The following PREX2 variants were observed in gnomAD, a reference collection of about 807,000 sequenced individuals.
PREX2 encodes phosphatidylinositol-3,4,5-trisphosphate dependent Rac exchange factor 2, also known as phosphatidylinositol 3,4,5-trisphosphate-dependent Rac exchanger 2 protein.
PREX2 carries 107 observed loss-of-function variants against 203.2 expected under a neutral mutation model. That is an observed-to-expected ratio of 0.53 (90% CI 0.45 to 0.62). The LOEUF (loss-of-function observed/expected upper bound fraction) is 0.62, where lower values mean the gene tolerates loss of function less well. Ranked by LOEUF, PREX2 falls within the 20% of genes least tolerant of loss-of-function variation. The pLI is 0.00. For synonymous variants in PREX2, 672 were observed against 663.6 expected (o/e 1.01, Z -0.19); for missense variants, 1,777 against 1,955.9 (o/e 0.91, Z 1.72).
rs58916146 is a variant in PREX2 at position 67,999,478 on chromosome 8, C to CAAAA, written c.142-18354_142-18351dup. Among the ~76,000 whole-genome samples, 9 of 92,096 alleles carry CAAAA rather than the reference C, an allele frequency of 9.8e-5. 2 individuals carry two copies. The highest frequency in any genetic ancestry group is 1.5e-4 in the Non-Finnish European group (7 of 46,524). 60.4% of individuals were successfully genotyped at this position (92,096 alleles called of 152,430 possible). On this transcript the variant is annotated intron_variant, in intron 1 of 39. Coordinates refer to ENST00000288368, the MANE Select transcript of PREX2 (RefSeq NM_024870.4). Reference sequence around the variant, plus strand: ...AATCAGTAATAAATAGCCAACAAACCAAAAAAAAAAAAAAAAAGCCCAGAA... The same window carrying CAAAA: ...AATCAGTAATAAATAGCCAACAAACCAAAAAAAAAAAAAAAAAAAAAGCCCAGAA...
chr8:68,053,264 G>A lies in PREX2; in HGVS notation c.1093+18G>A, dbSNP rs764879069. 1.2e-6 allele frequency: 2 copies of A among 1,612,502 alleles called. No individual in the cohort carries two copies. Among genetic ancestry groups the A allele is most frequent in the Admixed American group, 3.3e-5 (2 of 59,960 alleles). ...GCGGAAAGGTGGGTGTATGAATTGG[G>A]CGCTGTTACACTTTGTGAAGACTCT... On this transcript the variant is annotated intron_variant, in intron 9 of 39. Transcript: ENST00000288368.
At position 68,176,832 on chromosome 8, in the gene PREX2, A is replaced by G. The variant is rs1456748869; in HGVS notation, c.4347-14890A>G. The G allele has an allele frequency of 2.6e-5, 4 of 152,206 alleles. No individual in the cohort carries two copies. In the East Asian group the frequency reaches 7.7e-4, roughly 29 times the overall value. The allele number at this position is 152,206 out of a possible 1,614,324, so 9.4% of individuals were successfully genotyped here. A position where few individuals can be genotyped will look rare whatever the true frequency, so the allele number is the denominator to read the frequency against. On this transcript the variant is annotated intron_variant, in intron 35 of 39. Coordinates refer to ENST00000288368, the MANE Select transcript of PREX2 (RefSeq NM_024870.4). Reference sequence around the variant, plus strand: ...CCCCACTGAGTAGAAAAGACGTAGAAGTAACTTGCATGAAATAGCTATGCA... The same window carrying G: ...CCCCACTGAGTAGAAAAGACGTAGAGGTAACTTGCATGAAATAGCTATGCA...
Position 68,219,742 on chromosome 8 carries a change from G to A in PREX2, c.4707+2024G>A, listed in dbSNP as rs569623841. ...GATTTCTTCAACAGTCCCCTGTCGC[G>A]GATTCTCCTTCCAGTATTCAGCAGT... is the stretch of plus-strand genomic sequence containing the variant. On this transcript the variant is annotated intron_variant, in intron 38 of 39. Transcript: ENST00000288368. Among the ~76,000 whole-genome samples the A allele has an allele frequency of 4.6e-5, 7 of 152,132 alleles. No individual in the cohort carries two copies. In the South Asian group the frequency reaches 6.2e-4, roughly 14 times the overall value.
chr8:68,038,258 G>A lies in PREX2; in HGVS notation c.805G>A (p.Asp269Asn), dbSNP rs760821149. 49 of 1,613,432 alleles carry A rather than the reference G, an allele frequency of 3.0e-5. No individual in the cohort carries two copies. The highest frequency in any genetic ancestry group is 3.7e-5 in the Non-Finnish European group (44 of 1,179,816). ...NIQERVFFLF[D>N]NLLVYCKRKH... ...TCAAGAACGGGTGTTTTTTCTTTTC[G>A]ATAATCTTTTGGTGTACTGCAAAAG... Residue 269 changes from aspartate (D) to asparagine (N), a missense_variant, in exon 7 of 40, where the codon GAT (aspartate) becomes AAT (asparagine). Asp to Asn is a conservative substitution (Grantham distance 23, BLOSUM62 1). Transcript: ENST00000288368.
At chr8:68,163,430 G>T (rs1279211043) in intron 35 of PREX2, among the ~76,000 whole-genome samples, 1 of 152,108 alleles carries the variant, frequency 6.6e-6, no homozygotes, top group Non-Finnish European at 1.5e-5. Context: ...TTAGAGGAAG[G>T]TTAAAAATGA....
intron 25 of PREX2, among the ~76,000 whole-genome samples, chr8:68,115,003 CTTTCT>C (rs1171360067): frequency 7.7e-6 from 1 of 130,594 alleles, no homozygotes; most frequent in Admixed American, 7.6e-5. Flanking sequence ...TTTTTCTTTT[CTTTCT>C]TTTCTTTTCT....
intron 32 of PREX2, 84 bp downstream of exon 32, chr8:68,134,360 T>A (rs1420004191): frequency 2.2e-5 from 24 of 1,100,700 alleles, no homozygotes; most frequent in Non-Finnish European, 3.2e-5. Context: ...TAGTTATTTC[T>A]TTCCCGCTGG....
rs746533168 is a variant in PREX2, at chr8:68,027,218, C to G, written c.442-4C>G. 1 of 1,603,852 alleles carries G rather than the reference C, an allele frequency of 6.2e-7. No homozygotes were observed. Among genetic ancestry groups the G allele is most frequent in the East Asian group, 2.2e-5 (1 of 44,744 alleles). On this transcript the variant is annotated splice_region_variant and splice_polypyrimidine_tract_variant and intron_variant, in intron 4 of 39. Transcript: ENST00000288368. ...GTAATTAATTTTGATTATTTTCACC[C>G]CAGAACTGCATGCTGCTTGGAGGAC...
Position 68,069,039 on chromosome 8 carries a change from A to G in PREX2, c.1346A>G (p.Asp449Gly). ...AGTATTTCTATGTTCTTAGTTACTG[A>G]TAAACATCAATTCAAACCAGAACAG... ...LENGIIHHVT[D>G]KHQFKPEQML... is the part of the protein sequence containing the mutation. Residue 449 changes from aspartate to glycine, a missense_variant, in exon 12 of 40, where the codon GAT becomes GGT. Coordinates refer to ENST00000288368, the MANE Select transcript of PREX2 (RefSeq NM_024870.4). 2 of 1,408,458 alleles carry G rather than the reference A, an allele frequency of 1.4e-6. No individual in the cohort carries two copies. Among genetic ancestry groups the G allele is most frequent in the Non-Finnish European group, 1.9e-6 (2 of 1,033,610 alleles). 87.2% of individuals were successfully genotyped at this position (1,408,458 alleles called of 1,614,324 possible).
chr8:68,119,395 T>G, intron 27 of PREX2, 37 bp from the exon 28 acceptor site: 2 of 1,366,192 alleles, frequency 1.5e-6, no homozygotes, highest in Non-Finnish European at 2.1e-6. Flanking sequence ...AGATGAGTGA[T>G]TTTGGTTTTT....
chr8:68,032,578 G>T (rs940322801), intron 6 of PREX2, among the ~76,000 whole-genome samples: 1 of 152,158 alleles, frequency 6.6e-6, no homozygotes, highest in Non-Finnish European at 1.5e-5. Flanking sequence ...ATCGAGGGGG[G>T]AACTTGGTTT....
intron 35 of PREX2, among the ~76,000 whole-genome samples, chr8:68,179,939 A>T (rs1220849880): frequency 1.3e-5 from 2 of 152,070 alleles, no homozygotes; most frequent in East Asian, 3.9e-4. Flanking sequence ...CATATCATTT[A>T]CCTCCTCACT....
intron 22 of PREX2, among the ~76,000 whole-genome samples, chr8:68,098,158 T>C (rs1188176469): frequency 6.6e-6 from 1 of 152,194 alleles, no homozygotes; most frequent in African/African-American, 2.4e-5. Context: ...ACTCCTACTG[T>C]ATCCTCCACA....
Position 68,097,175 on chromosome 8 carries a change from A to G in PREX2, c.2527A>G (p.Lys843Glu), listed in dbSNP as rs748737323. 6.2e-7 allele frequency: 1 copy of G among 1,613,550 alleles called. No homozygotes were observed. Among genetic ancestry groups the G allele is most frequent in the Non-Finnish European group, 8.5e-7 (1 of 1,179,634 alleles). ...CNVVEKMIEP[K>E]GFFSLTAKIL... The stretch of plus-strand genomic sequence containing the variant: ...TGTGGTGGAAAAGATGATTGAGCCC[A>G]AAGGTTTCTTCAGCTTAACTGCCAA... The change falls in exon 22 of 40, where the codon AAA (lysine) becomes GAA (glutamate). Residue 843 changes from lysine (K) to glutamate (E), a missense_variant. By Grantham distance (56) the Lys-to-Glu change is moderately conservative. Transcript: ENST00000288368.
intron 35 of PREX2, among the ~76,000 whole-genome samples, chr8:68,170,628 C>G (rs1331240098): frequency 6.6e-6 from 1 of 152,186 alleles, no homozygotes; most frequent in African/African-American, 2.4e-5. Context: ...TGATTGATTT[C>G]TTTCTATTTA....
intron 10 of PREX2, 146 bp downstream of exon 10, chr8:68,056,120 C>A: frequency 1.4e-6 from 1 of 734,866 alleles, no homozygotes; most frequent in Non-Finnish European, 2.2e-6. Flanking sequence ...TGGGCGGTAG[C>A]AGGATGAAGG....
chr8:68,185,108 TC>T (rs930426394), intron 35 of PREX2, among the ~76,000 whole-genome samples: 39 of 152,170 alleles, frequency 2.6e-4, no homozygotes, highest in African/African-American at 9.2e-4. Context: ...AATGATTCTT[TC>T]CTTTTTAGGG....
rs2129612792 is a variant in PREX2 at position 68,108,195 on chromosome 8, C to T, written c.2802C>T (p.Cys934=). The T allele has an allele frequency of 6.2e-7, 1 of 1,613,926 alleles. No individual in the cohort carries two copies. The highest frequency in any genetic ancestry group is 1.1e-5 in the South Asian group (1 of 91,072). The change falls in exon 24 of 40, where the codon TGC becomes TGT. Residue 934 remains cysteine (C), a synonymous_variant. Coordinates refer to ENST00000288368, the MANE Select transcript of PREX2 (RefSeq NM_024870.4). ...CCCCACTGCACAGCAGTGATTTCTG[C>T]CCTACCAACTGCCATGTCAATGTGA... ...KISPLHSSDF[C]PTNCHVNVME...
chr8:67,982,933 ATCT>A (rs1245703071), intron 1 of PREX2, among the ~76,000 whole-genome samples: 2 of 152,218 alleles, frequency 1.3e-5, no homozygotes, highest in African/African-American at 4.8e-5. Flanking sequence ...GGCCTTTAGC[ATCT>A]TCTTTGTGGT....
Sources: allele counts gnomAD v4.1 joint callset (sites outside exome capture counted in the v4.1 genomes callset), GRCh38; gene constraint gnomAD v4.1.1; transcripts MANE v1.5; gene names NCBI Gene and HGNC (gene_info 2026-07-23, HGNC 2026-07-21).